The following DLG2 variants were observed in gnomAD, a reference collection of about 807,000 sequenced individuals.
DLG2 encodes disks large homolog 2.
In DLG2, 45 loss-of-function variants were observed where a neutral mutation model predicts 132.5. That is an observed-to-expected ratio of 0.34 (90% CI 0.27 to 0.44). The LOEUF (loss-of-function observed/expected upper bound fraction) is 0.44, where lower values mean the gene tolerates loss of function less well. Ranked by LOEUF, DLG2 falls within the 20% of genes least tolerant of loss-of-function variation. The pLI, the probability that DLG2 is intolerant of heterozygous loss-of-function variation, is 1.00. For synonymous variants in DLG2, 424 were observed against 419.6 expected, an observed-to-expected ratio of 1.01 and a Z score of -0.13; for missense variants, 1,045 against 1,196.9, an observed-to-expected ratio of 0.87 and a Z score of 1.87.
chr11:85,060,283 A>C (rs923197616), intron 6 of DLG2, among the ~76,000 whole-genome samples: 2 of 151,068 alleles, frequency 1.3e-5, no homozygotes, highest in Non-Finnish European at 3.0e-5. Flanking sequence ...CAAGATTTTC[A>C]TTTTTTAAAG....
chr11:84,142,707 C>G (rs1295822441), intron 9 of DLG2, among the ~76,000 whole-genome samples: 1 of 152,048 alleles, frequency 6.6e-6, no homozygotes, highest in Non-Finnish European at 1.5e-5. Context: ...GGTGGGACAT[C>G]CATTATCTCT....
chr11:83,698,350 T>A (rs2082283715), intron 18 of DLG2, among the ~76,000 whole-genome samples: 1 of 152,166 alleles, frequency 6.6e-6, no homozygotes, highest in Non-Finnish European at 1.5e-5. Context: ...TTCATATAAT[T>A]ATAATGTGCA....
chr11:83,560,080 A>G (rs972733355), intron 19 of DLG2, among the ~76,000 whole-genome samples: 4 of 151,842 alleles, frequency 2.6e-5, no homozygotes, highest in African/African-American at 7.3e-5. Flanking sequence ...TCAAGAGAGT[A>G]TAATGAAAGA....
chr11:85,446,793 A>ATGTGTG lies in DLG2; in HGVS notation c.40+151858_40+151863dup, dbSNP rs35097336. 4.7e-3 allele frequency among the ~76,000 whole-genome samples: 682 copies of ATGTGTG among 145,192 alleles called. 7 individuals are homozygous for ATGTGTG. Among genetic ancestry groups the ATGTGTG allele is most frequent in the African/African-American group, 0.01 (411 of 39,846 alleles). On this transcript the variant is annotated intron_variant, in intron 3 of 27. Coordinates refer to ENST00000376104, the MANE Select transcript of DLG2 (RefSeq NM_001142699.3). ...ACTCCAGTTTGAAGGGATATAGTAT[A>ATGTGTG]TGTGTGTGTGTGTGTGTGTGTGTGT...
At chr11:84,758,882 T>A (rs2067235431) in intron 6 of DLG2, among the ~76,000 whole-genome samples, 1 of 152,154 alleles carries the variant, frequency 6.6e-6, no homozygotes, top group Admixed American at 6.5e-5. Context: ...TCTTTCTGTT[T>A]ATTTATTTAT....
intron 3 of DLG2, among the ~76,000 whole-genome samples, chr11:85,477,622 A>G (rs1171549996): frequency 2.6e-5 from 4 of 152,192 alleles, no homozygotes; most frequent in African/African-American, 9.7e-5. Context: ...AGGTAGGGGT[A>G]TGTATAATCA....
intron 17 of DLG2, among the ~76,000 whole-genome samples, chr11:83,813,882 C>T (rs936128276): frequency 5.9e-5 from 9 of 152,080 alleles, no homozygotes; most frequent in Non-Finnish European, 2.9e-5. Context: ...CTCATAACAG[C>T]CCTATACGTA....
intron 3 of DLG2, among the ~76,000 whole-genome samples, chr11:85,346,309 T>C (rs2082844141): frequency 1.3e-5 from 2 of 151,652 alleles, no homozygotes; most frequent in Admixed American, 1.3e-4. Context: ...TGCCTCAGCC[T>C]CCCGAGTAGC....
chr11:84,074,657 T>A (rs963202949), intron 10 of DLG2, among the ~76,000 whole-genome samples: 1 of 151,762 alleles, frequency 6.6e-6, no homozygotes, highest in African/African-American at 2.4e-5. Context: ...GCCTCCCAAG[T>A]AGCTGGGACT....
At chr11:84,258,776 A>C (rs916730231) in intron 7 of DLG2, among the ~76,000 whole-genome samples, 3 of 152,158 alleles carry the variant, frequency 2.0e-5, no homozygotes, top group African/African-American at 7.2e-5. Flanking sequence ...GACCAGACTG[A>C]AAATGCAATT....
rs557218834 is a variant in DLG2 at position 85,252,500 on chromosome 11, C to T, written c.186+32720G>A. ...ACTTGGGAGGCTGAAGCAGGAGAAT[C>T]GCTTGAACCCAGGAGGTGGAGGTTG... On this transcript the variant is annotated intron_variant, in intron 4 of 27. Coordinates refer to ENST00000376104, the MANE Select transcript of DLG2 (RefSeq NM_001142699.3). Among the ~76,000 whole-genome samples the T allele has an allele frequency of 8.7e-4, 133 of 152,192 alleles. 1 individual carries two copies. The highest frequency in any genetic ancestry group is 3.0e-3 in the African/African-American group (126 of 41,530).
At chr11:83,898,190 ATAAAC>A (rs1251986165) in intron 15 of DLG2, among the ~76,000 whole-genome samples, 5 of 152,200 alleles carry the variant, frequency 3.3e-5, no homozygotes, top group South Asian at 4.1e-4. Context: ...ATCATAAATT[ATAAAC>A]TAAACATAAA....
chr11:83,698,961 T>C (rs1453657472), intron 18 of DLG2, among the ~76,000 whole-genome samples: 2 of 152,142 alleles, frequency 1.3e-5, no homozygotes, highest in East Asian at 3.9e-4. Context: ...GAGCTGCATC[T>C]TTGACATGTG....
intron 6 of DLG2, among the ~76,000 whole-genome samples, chr11:84,861,636 A>AC (rs2083687338): frequency 4.2e-5 from 3 of 70,668 alleles, no homozygotes; most frequent in African/African-American, 1.7e-4. Context: ...AAAAAAAAAA[A>AC]AAACAAAAAA....
chr11:84,062,631 G>A (rs2154134616), intron 10 of DLG2, among the ~76,000 whole-genome samples: 2 of 152,218 alleles, frequency 1.3e-5, no homozygotes, highest in South Asian at 4.1e-4. Context: ...TACTGACAAG[G>A]TCAAAGTGTT....
intron 4 of DLG2, among the ~76,000 whole-genome samples, chr11:85,282,073 A>G (rs561957119): frequency 1.3e-5 from 2 of 152,118 alleles, no homozygotes; most frequent in African/African-American, 4.8e-5. Context: ...AACAACATGG[A>G]TGGAATTGAA....
chr11:84,987,224 C>A (rs2056597915), intron 6 of DLG2, among the ~76,000 whole-genome samples: 1 of 152,032 alleles, frequency 6.6e-6, no homozygotes, highest in African/African-American at 2.4e-5. Flanking sequence ...AGACCTCTAG[C>A]AAGATAAACT....
At chr11:84,833,421 AC>A (rs2079293422) in intron 6 of DLG2, among the ~76,000 whole-genome samples, 1 of 151,492 alleles carries the variant, frequency 6.6e-6, no homozygotes, top group African/African-American at 2.4e-5. Context: ...AATGTGTCTC[AC>A]CCCTACAATA....
At chr11:85,096,346 G>T (rs1330892638) in intron 6 of DLG2, among the ~76,000 whole-genome samples, 1 of 152,030 alleles carries the variant, frequency 6.6e-6, no homozygotes, top group Non-Finnish European at 1.5e-5. Flanking sequence ...CTCACTGCAA[G>T]GGTCTGTGGC....
Sources: allele counts gnomAD v4.1 joint callset (sites outside exome capture counted in the v4.1 genomes callset), GRCh38; gene constraint gnomAD v4.1.1; transcripts MANE v1.5; gene names NCBI Gene and HGNC (gene_info 2026-07-23, HGNC 2026-07-21).